The following SPIDR variants were observed in gnomAD, a reference collection of about 807,000 sequenced individuals.
SPIDR encodes the protein DNA repair-scaffolding protein.
Under a neutral mutation model 104.6 loss-of-function variants are expected in SPIDR, and 93 were observed. That is an observed-to-expected ratio of 0.89 (90% confidence interval 0.75 to 1.06). The LOEUF is 1.06. Among genes scored for constraint, SPIDR ranks in the 50% least tolerant of loss-of-function variants. The probability of loss-of-function intolerance (pLI) is 0.00; values close to 1 mark genes in which losing one functional copy is unlikely to be tolerated. For missense variants in SPIDR, 1,154 were observed against 1,111.2 expected (o/e 1.04, Z -0.55); for synonymous variants, 431 against 416.9 (o/e 1.03, Z -0.41).
chr8:47,566,531 T>C (rs1219101575), intron 8 of SPIDR, among the ~76,000 whole-genome samples: 2 of 152,138 alleles, frequency 1.3e-5, no homozygotes, highest in East Asian at 1.9e-4. Flanking sequence ...TATCTTTTTT[T>C]ATTTTTGAAG....
At position 47,708,047 on chromosome 8, in the gene SPIDR, C is replaced by T. The variant is rs111414066; in HGVS notation, c.1978-4615C>T. 6.4e-3 allele frequency among the ~76,000 whole-genome samples: 974 copies of T among 152,314 alleles called. 14 individuals carry two copies. The highest frequency in any genetic ancestry group is 0.023 in the African/African-American group (937 of 41,560). ...GGACACGGTGGCTTACGCCTGTAAT[C>T]CCAGCACTTTGGGAGGCCGAGGCAG... On this transcript the variant is annotated intron_variant, in intron 14 of 19. Coordinates refer to ENST00000297423, the MANE Select transcript of SPIDR (RefSeq NM_001080394.4).
At chr8:47,636,591 C>T (rs2067961335) in intron 10 of SPIDR, among the ~76,000 whole-genome samples, 1 of 151,858 alleles carries the variant, frequency 6.6e-6, no homozygotes, top group Non-Finnish European at 1.5e-5. Flanking sequence ...GAGGCCGAGG[C>T]TGGAGGATCA....
chr8:47,654,657 CTCTTT>C (rs1222960834), intron 10 of SPIDR, among the ~76,000 whole-genome samples: 2 of 151,564 alleles, frequency 1.3e-5, no homozygotes, highest in African/African-American at 4.9e-5. Context: ...AAGGTTTAGA[CTCTTT>C]TCTTTCTTAA....
intron 5 of SPIDR, among the ~76,000 whole-genome samples, chr8:47,366,363 G>A (rs2057212559): frequency 6.6e-6 from 1 of 152,180 alleles, no homozygotes; most frequent in Non-Finnish European, 1.5e-5. Flanking sequence ...TGTGGGGGCT[G>A]TGGTTCCTGA....
intron 7 of SPIDR, among the ~76,000 whole-genome samples, chr8:47,424,346 C>T (rs2066066181): frequency 6.6e-6 from 1 of 152,102 alleles, no homozygotes. Flanking sequence ...CCTCTGTTGC[C>T]CAGGCATGAG....
At chr8:47,587,903 G>T (rs539387344) in intron 8 of SPIDR, among the ~76,000 whole-genome samples, 20 of 149,688 alleles carry the variant, frequency 1.3e-4, no homozygotes, top group African/African-American at 4.6e-4. Context: ...ATATAATATT[G>T]GTTATTATAG....
intron 8 of SPIDR, among the ~76,000 whole-genome samples, chr8:47,577,624 G>T (rs1272838231): frequency 6.6e-6 from 1 of 152,198 alleles, no homozygotes; most frequent in Non-Finnish European, 1.5e-5. Flanking sequence ...AGAAAGTGCA[G>T]ATTTTTGTAT....
intron 8 of SPIDR, among the ~76,000 whole-genome samples, chr8:47,532,762 GAAC>G (rs1392059568): frequency 6.6e-6 from 1 of 152,166 alleles, no homozygotes; most frequent in Non-Finnish European, 1.5e-5. Flanking sequence ...TTGTTGAACT[GAAC>G]AACACAATCA....
At chr8:47,385,301 T>G (rs1554647513) in intron 5 of SPIDR, among the ~76,000 whole-genome samples, 1 of 152,220 alleles carries the variant, frequency 6.6e-6, no homozygotes, top group Admixed American at 6.5e-5. Flanking sequence ...TTTTCTGTAT[T>G]CTTATCAAGA....
In SPIDR at chr8:47,321,359, A is replaced by G. The variant is rs144538394; in HGVS notation, c.525+27329A>G. On this transcript the variant is annotated intron_variant, in intron 5 of 19. Coordinates refer to ENST00000297423, the MANE Select transcript of SPIDR (RefSeq NM_001080394.4). ...CCCATTCACAATTGCTTCAAAGAGA[A>G]TAAAACACCTAGGAATCCAACTTAT... 8.6e-3 allele frequency among the ~76,000 whole-genome samples: 1,317 copies of G among 152,306 alleles called. 11 individuals are homozygous for G. Among genetic ancestry groups the G allele is most frequent in the South Asian group, 0.021 (99 of 4,826 alleles).
intron 19 of SPIDR, among the ~76,000 whole-genome samples, 182 bp from the exon 20 acceptor site, chr8:47,735,125 T>TGG (rs1468606403): frequency 4.0e-5 from 6 of 149,830 alleles, no homozygotes; most frequent in East Asian, 1.9e-4. Flanking sequence ...TGTGTGTGTG[T>TGG]GTGTGTGTGT....
intron 5 of SPIDR, among the ~76,000 whole-genome samples, chr8:47,371,883 G>T (rs1016121921): frequency 6.6e-6 from 1 of 152,052 alleles, no homozygotes; most frequent in Non-Finnish European, 1.5e-5. Context: ...CAGCCTAACC[G>T]CTCATATTAT....
intron 5 of SPIDR, among the ~76,000 whole-genome samples, chr8:47,322,868 CAT>C (rs2046973791): frequency 6.6e-6 from 1 of 151,806 alleles, no homozygotes; most frequent in Non-Finnish European, 1.5e-5. Flanking sequence ...TGTTCTCACT[CAT>C]AGGTGGGAAT....
intron 8 of SPIDR, among the ~76,000 whole-genome samples, chr8:47,560,492 A>G (rs887062155): frequency 2.0e-5 from 3 of 152,198 alleles, no homozygotes; most frequent in Admixed American, 6.5e-5. Flanking sequence ...AAAGCCTTCC[A>G]GTTTCTGCTT....
intron 7 of SPIDR, among the ~76,000 whole-genome samples, chr8:47,427,872 A>C (rs145626236): frequency 3.0e-4 from 45 of 152,170 alleles, no homozygotes; most frequent in African/African-American, 1.1e-3. Context: ...TCACCACTTG[A>C]GTGGCTGGGA....
At chr8:47,595,327 C>T (rs1038731858) in intron 8 of SPIDR, among the ~76,000 whole-genome samples, 2 of 152,174 alleles carry the variant, frequency 1.3e-5, no homozygotes, top group African/African-American at 2.4e-5. Flanking sequence ...TTTCCTGACT[C>T]CTTTTCTATT....
At chr8:47,483,799 T>C (rs1187218772) in intron 8 of SPIDR, among the ~76,000 whole-genome samples, 3 of 152,214 alleles carry the variant, frequency 2.0e-5, no homozygotes, top group African/African-American at 7.2e-5. Context: ...TCTGAAAACC[T>C]TGGTCACCTC....
At chr8:47,568,493 A>G (rs1484051349) in intron 8 of SPIDR, among the ~76,000 whole-genome samples, 1 of 152,348 alleles carries the variant, frequency 6.6e-6, no homozygotes, top group East Asian at 1.9e-4. Flanking sequence ...CTCTGAGTAT[A>G]GAAGAACACT....
chr8:47,614,399 A>G (rs1025864376), intron 10 of SPIDR, among the ~76,000 whole-genome samples: 12 of 151,482 alleles, frequency 7.9e-5, no homozygotes, highest in Admixed American at 6.6e-4. Context: ...TTTTTTTTGT[A>G]TGTTAGTGGA....
Sources: allele counts gnomAD v4.1 joint callset (sites outside exome capture counted in the v4.1 genomes callset), GRCh38; gene constraint gnomAD v4.1.1; transcripts MANE v1.5; gene names NCBI Gene and HGNC (gene_info 2026-07-23, HGNC 2026-07-21).